PRELID2: variants seen among roughly 807,000 people sequenced by gnomAD.
The protein encoded by PRELID2 is PRELI domain-containing protein 2.
A neutral mutation model predicts 28.4 loss-of-function variants in PRELID2; 25 were observed. That is an observed-to-expected ratio of 0.88 (90% CI 0.64 to 1.23). The LOEUF is 1.23. PRELID2 is among the 50% of genes most tolerant of loss of function. The probability of loss-of-function intolerance (pLI) is 0.00; values close to 1 mark genes in which losing one functional copy is unlikely to be tolerated. For missense variants in PRELID2, 201 were observed against 214.4 expected (o/e 0.94, Z 0.39); for synonymous variants, 76 against 71.6 (o/e 1.06, Z -0.31).
the PRELID2 span, among the ~76,000 whole-genome samples, chr5:145,452,803 G>A: frequency 6.6e-6 from 1 of 152,092 alleles, no homozygotes; most frequent in African/African-American, 2.4e-5. Flanking sequence ...AAAGAATGAA[G>A]GGAGGGAAGA....
chr5:145,235,301 A>G, the PRELID2 span, among the ~76,000 whole-genome samples: 2 of 152,144 alleles, frequency 1.3e-5, no homozygotes, highest in African/African-American at 4.8e-5. Context: ...TGATTGTAGC[A>G]TGTTCTTTTA....
At chr5:145,410,609 A>G in the PRELID2 span, among the ~76,000 whole-genome samples, 2 of 152,100 alleles carry the variant, frequency 1.3e-5, no homozygotes, top group Non-Finnish European at 1.5e-5. Context: ...CCTTTATAAA[A>G]CCATCAGATC....
chr5:145,534,532 A>G (rs1752683037), intron 1 of PRELID2, among the ~76,000 whole-genome samples: 1 of 152,010 alleles, frequency 6.6e-6, no homozygotes, highest in Non-Finnish European at 1.5e-5. Context: ...TAAAAAGTGC[A>G]TGGGCTGTGG....
chr5:145,381,041 T>C, the PRELID2 span, among the ~76,000 whole-genome samples: 4 of 152,356 alleles, frequency 2.6e-5, no homozygotes, highest in South Asian at 8.3e-4. Flanking sequence ...TCGTAGCATG[T>C]ATTTTGCATA....
rs141624951 is a variant in PRELID2 at position 145,633,340 on chromosome 5, C to A, written n.70+131591G>T. Among the ~76,000 whole-genome samples the A allele has an allele frequency of 4.8e-4, 73 of 152,294 alleles. No homozygotes were observed. The East Asian group carries it at 0.013, about 27-fold the overall frequency. ...AGACATGTTCTAGAATCAAGTTACT[C>A]ACCAGCTAGAGACTGATTTTCAAGT... On this transcript the variant is annotated intron_variant and non_coding_transcript_variant, in intron 1 of 2. Coordinates refer to the PRELID2 transcript ENST00000510259.
At position 145,585,725 on chromosome 5, in the gene PRELID2, T is replaced by C. The variant is rs190892679; in HGVS notation, n.71-112410A>G. Among the ~76,000 whole-genome samples, 14 of 152,248 alleles carry C rather than the reference T, an allele frequency of 9.2e-5. 1 individual carries two copies. The highest frequency in any genetic ancestry group is 3.1e-4 in the African/African-American group (13 of 41,570). The stretch of plus-strand genomic sequence containing the variant: ...AGTCTGCAAAGGGACCTTTTTTTAA[T>C]AGAGTGAGCAAAAGTAATGACTATA... On this transcript the variant is annotated intron_variant and non_coding_transcript_variant, in intron 1 of 2. Transcript: ENST00000510259.
intron 1 of PRELID2, among the ~76,000 whole-genome samples, chr5:145,739,899 T>C (rs1756606148): frequency 6.7e-6 from 1 of 150,262 alleles, no homozygotes; most frequent in Non-Finnish European, 1.5e-5. Context: ...TGTATCCAAA[T>C]ACCTAAAGAA....
chr5:145,637,883 T>C (rs1754029083), intron 1 of PRELID2, among the ~76,000 whole-genome samples: 1 of 150,648 alleles, frequency 6.6e-6, no homozygotes, highest in Non-Finnish European at 1.5e-5. Flanking sequence ...CGATCTCGGC[T>C]CACTGCAACC....
intron 1 of PRELID2, among the ~76,000 whole-genome samples, chr5:145,723,208 A>G (rs558832891): frequency 3.3e-5 from 5 of 152,340 alleles, no homozygotes; most frequent in African/African-American, 1.2e-4. Flanking sequence ...AGCAGAGTTT[A>G]TTCCAGGAAT....
At chr5:145,719,313 G>A (rs952352545) in intron 1 of PRELID2, among the ~76,000 whole-genome samples, 9 of 151,976 alleles carry the variant, frequency 5.9e-5, no homozygotes, top group East Asian at 3.9e-4. Flanking sequence ...AGTGACTGCA[G>A]GCTTTAAGAT....
At chr5:145,318,248 T>C in the PRELID2 span, among the ~76,000 whole-genome samples, 1 of 152,172 alleles carries the variant, frequency 6.6e-6, no homozygotes, top group Non-Finnish European at 1.5e-5. Context: ...TTAAAGAAGA[T>C]AAATCAAAGG....
intron 1 of PRELID2, among the ~76,000 whole-genome samples, chr5:145,711,661 G>A (rs1231546468): frequency 6.6e-6 from 1 of 152,060 alleles, no homozygotes. Context: ...TGAAGGCTGA[G>A]GGCAGAGTAG....
At chr5:145,278,251 A>G in the PRELID2 span, among the ~76,000 whole-genome samples, 1 of 152,270 alleles carries the variant, frequency 6.6e-6, no homozygotes, top group South Asian at 2.1e-4. Context: ...ATTGCTGTGT[A>G]ATAATATTAC....
At chr5:145,742,354 G>A (rs1333486170) in intron 1 of PRELID2, among the ~76,000 whole-genome samples, 12 of 122,332 alleles carry the variant, frequency 9.8e-5, no homozygotes, top group South Asian at 4.8e-4. Flanking sequence ...TACATCCTAC[G>A]CCAGAAAACA....
chr5:145,808,809 C>T (rs963351572), intron 4 of PRELID2, among the ~76,000 whole-genome samples: 12 of 151,804 alleles, frequency 7.9e-5, no homozygotes, highest in Non-Finnish European at 1.5e-5. Context: ...GCTTGAGCCC[C>T]GAAGTTCAAG....
chr5:145,267,142 G>A, the PRELID2 span, among the ~76,000 whole-genome samples: 1 of 152,124 alleles, frequency 6.6e-6, no homozygotes, highest in African/African-American at 2.4e-5. Flanking sequence ...CTTGGAGTCT[G>A]ATGTTCGAGG....
At chr5:145,287,002 G>A in the PRELID2 span, among the ~76,000 whole-genome samples, 28 of 152,146 alleles carry the variant, frequency 1.8e-4, no homozygotes, top group South Asian at 1.9e-3. Context: ...GAGCCACCGC[G>A]CCTGGCCAGA....
At chr5:145,335,623 G>A in the PRELID2 span, among the ~76,000 whole-genome samples, 1 of 151,956 alleles carries the variant, frequency 6.6e-6, no homozygotes. Flanking sequence ...AAACAAAAAG[G>A]GAAAAATTTA....
chr5:145,832,772 A>G (rs1755685739), intron 1 of PRELID2, among the ~76,000 whole-genome samples: 3 of 151,686 alleles, frequency 2.0e-5, no homozygotes, highest in African/African-American at 4.8e-5. Flanking sequence ...ACATACACAC[A>G]CCACACCACA....
Sources: gnomAD v4.1 joint callset for allele counts (sites outside exome capture counted in the v4.1 genomes callset) on GRCh38, gnomAD v4.1.1 for gene constraint, MANE v1.5 for transcripts, NCBI Gene and HGNC (gene_info 2026-07-23, HGNC 2026-07-21) for gene names.